GXYLT1: variants seen among roughly 807,000 people sequenced by gnomAD.
GXYLT1 encodes glucoside xylosyltransferase 1, also known as glycosyltransferase 8 domain containing 3.
A neutral mutation model predicts 54.0 loss-of-function variants in GXYLT1; 29 were observed. The ratio of observed to expected loss-of-function variants is 0.54; its 90% CI spans 0.40 to 0.73. The LOEUF (loss-of-function observed/expected upper bound fraction) is 0.73, where lower values mean the gene tolerates loss of function less well. Among genes scored for constraint, GXYLT1 ranks in the 30% least tolerant of loss-of-function variants. GXYLT1 has a pLI of 0.00. For synonymous variants in GXYLT1, 176 were observed against 204.1 expected (o/e 0.86, Z 1.17); for missense variants, 490 against 553.4 (o/e 0.89, Z 1.15).
At position 42,144,634 on chromosome 12, in the gene GXYLT1, G is replaced by C. The variant is rs1228740909; in HGVS notation, c.13C>G (p.Leu5Val). Residue 5 changes from leucine to valine, a missense_variant, in exon 1 of 8, where the codon CTG (leucine) becomes GTG (valine). Transcript: ENST00000398675. MRRYLRVVVLCVACG... is the reference protein window; with the variant it reads MRRYVRVVVLCVACG... ...GCCACACACAGCACCACGACGCGCA[G>C]GTAGCGCCGCATCGCCCCGGCCGCG... 4.8e-6 allele frequency: 7 copies of C among 1,464,414 alleles called. No individual in the cohort carries two copies. The highest frequency in any genetic ancestry group is 4.5e-5 in the Admixed American group (2 of 44,896). The allele number at this position is 1,464,414 out of a possible 1,614,324, so 90.7% of individuals were successfully genotyped here. A position where few individuals can be genotyped will look rare whatever the true frequency, so the allele number is the denominator to read the frequency against.
Position 42,119,853 on chromosome 12 carries a change from C to T in GXYLT1, c.315-682G>A, listed in dbSNP as rs563445582. On this transcript the variant is annotated intron_variant, in intron 2 of 7. Coordinates refer to ENST00000398675, the MANE Select transcript of GXYLT1 (RefSeq NM_173601.2). ...TAAGAAAAGGGCAAACATCAAATTA[C>T]AAAACATTTTAAAAATGTTGAATCA... 2.0e-5 allele frequency among the ~76,000 whole-genome samples: 3 copies of T among 152,280 alleles called. No homozygotes were observed. In the South Asian group the frequency reaches 6.2e-4, roughly 32 times the overall value.
At chr12:42,100,194 C>T (rs771131439) in intron 5 of GXYLT1, among the ~76,000 whole-genome samples, 1 of 152,024 alleles carries the variant, frequency 6.6e-6, no homozygotes, top group Non-Finnish European at 1.5e-5. Flanking sequence ...CTATGTGACT[C>T]GGGGACTATC....
At chr12:42,135,383 A>G (rs1434140263) in intron 1 of GXYLT1, among the ~76,000 whole-genome samples, 2 of 152,254 alleles carry the variant, frequency 1.3e-5, no homozygotes, top group East Asian at 3.8e-4. Context: ...ATACAAGCAT[A>G]ATTCCCTTTT....
chr12:42,129,640 GAAAAT>G, intron 2 of GXYLT1, 114 bp downstream of exon 2: 1 of 594,916 alleles, frequency 1.7e-6, no homozygotes, highest in Non-Finnish European at 2.8e-6. Flanking sequence ...AACCCAATAA[GAAAAT>G]AAATTATTTG....
intron 7 of GXYLT1, among the ~76,000 whole-genome samples, chr12:42,095,654 T>C (rs1267935923): frequency 6.6e-6 from 1 of 152,168 alleles, no homozygotes; most frequent in African/African-American, 2.4e-5. Context: ...CGGGCTAAGA[T>C]AACAGGTTAC....
At chr12:42,100,741 T>TATAAC (rs2065385126) in intron 5 of GXYLT1, among the ~76,000 whole-genome samples, 1 of 152,034 alleles carries the variant, frequency 6.6e-6, no homozygotes, top group African/African-American at 2.4e-5. Flanking sequence ...AGTCATTGAG[T>TATAAC]ATGTTAAGGA....
At position 42,144,712 on chromosome 12, in the gene GXYLT1, A is replaced by G; in HGVS notation, c.-66T>C. The stretch of plus-strand genomic sequence containing the variant: ...CGCCCCGACGAACTGGAGCGGAGGG[A>G]GGGGCACCGCGCAGCCGCGGGCGCA... On this transcript the variant is annotated 5_prime_UTR_variant, in exon 1 of 8. Coordinates refer to ENST00000398675, the MANE Select transcript of GXYLT1 (RefSeq NM_173601.2). 8.1e-7 allele frequency: 1 copy of G among 1,230,236 alleles called. No homozygotes were observed. Among genetic ancestry groups the G allele is most frequent in the South Asian group, 1.9e-5 (1 of 52,366 alleles). 76.2% of individuals were successfully genotyped at this position (1,230,236 alleles called of 1,614,324 possible). A position where few individuals can be genotyped will look rare whatever the true frequency, so the allele number is the denominator to read the frequency against.
chr12:42,110,641 C>T (rs1360084546), intron 3 of GXYLT1, among the ~76,000 whole-genome samples: 1 of 152,150 alleles, frequency 6.6e-6, no homozygotes, highest in African/African-American at 2.4e-5. Flanking sequence ...CCTTGACTTC[C>T]CAGGCTTGGG....
intron 1 of GXYLT1, among the ~76,000 whole-genome samples, chr12:42,136,860 A>G (rs1345875730): frequency 1.3e-5 from 2 of 151,960 alleles, no homozygotes; most frequent in African/African-American, 4.8e-5. Context: ...TGCAGCCTCA[A>G]CCTCCTGGGC....
chr12:42,117,859 G>A (rs890977064), intron 3 of GXYLT1, among the ~76,000 whole-genome samples: 5 of 152,172 alleles, frequency 3.3e-5, no homozygotes, highest in African/African-American at 1.2e-4. Context: ...ATGGTCATAT[G>A]ACTAAATTCA....
At chr12:42,135,718 T>G (rs1449298993) in intron 1 of GXYLT1, among the ~76,000 whole-genome samples, 2 of 152,188 alleles carry the variant, frequency 1.3e-5, no homozygotes, top group African/African-American at 4.8e-5. Context: ...GGCCACATAC[T>G]GTGTGATTCC....
At chr12:42,113,680 G>A (rs1420420679) in intron 3 of GXYLT1, among the ~76,000 whole-genome samples, 8 of 150,566 alleles carry the variant, frequency 5.3e-5, no homozygotes, top group Non-Finnish European at 1.0e-4. Flanking sequence ...CACAATAATG[G>A]GAGACTTTAA....
intron 7 of GXYLT1, among the ~76,000 whole-genome samples, chr12:42,088,881 ATG>A (rs1387363104): frequency 1.3e-5 from 2 of 151,708 alleles, no homozygotes; most frequent in Non-Finnish European, 2.9e-5. Flanking sequence ...GGGAGAGGAA[ATG>A]AAAGAACCAC....
At chr12:42,095,763 T>C (rs889765936) in intron 7 of GXYLT1, among the ~76,000 whole-genome samples, 7 of 152,124 alleles carry the variant, frequency 4.6e-5, no homozygotes, top group African/African-American at 1.7e-4. Context: ...GGAAAAAAGC[T>C]AAAACTGAAA....
At chr12:42,130,043 A>G (rs891420402) in intron 1 of GXYLT1, among the ~76,000 whole-genome samples, 192 bp from the exon 2 acceptor site, 3 of 152,238 alleles carry the variant, frequency 2.0e-5, no homozygotes, top group Non-Finnish European at 4.4e-5. Flanking sequence ...TTTAAATAGA[A>G]CTTTAAAACC....
chr12:42,098,648 T>A (rs1191113168), intron 5 of GXYLT1, among the ~76,000 whole-genome samples: 1 of 151,180 alleles, frequency 6.6e-6, no homozygotes, highest in African/African-American at 2.4e-5. Context: ...TGTCTACTTG[T>A]AGTAAAAAAT....
chr12:42,103,320 G>A (rs1251830721), intron 5 of GXYLT1, among the ~76,000 whole-genome samples: 4 of 152,178 alleles, frequency 2.6e-5, no homozygotes, highest in Admixed American at 1.3e-4. Context: ...ACAGCCACAA[G>A]TAGTAAGAAC....
chr12:42,132,517 T>C (rs1327550686), intron 1 of GXYLT1, among the ~76,000 whole-genome samples: 2 of 152,258 alleles, frequency 1.3e-5, no homozygotes, highest in Non-Finnish European at 1.5e-5. Flanking sequence ...CCCACCACTA[T>C]TAACATTTTC....
At position 42,117,116 on chromosome 12, in the gene GXYLT1, C is replaced by T. The variant is rs574213778; in HGVS notation, c.486+1884G>A. On this transcript the variant is annotated intron_variant, in intron 3 of 7. Coordinates refer to ENST00000398675, the MANE Select transcript of GXYLT1 (RefSeq NM_173601.2). Reference sequence around the variant, plus strand: ...ACACAGGAAGGGGAACATCACACATCGGGGACTGTTGTGGGGTTGGGGGAG... The same window carrying T: ...ACACAGGAAGGGGAACATCACACATTGGGGACTGTTGTGGGGTTGGGGGAG... 7.6e-5 allele frequency among the ~76,000 whole-genome samples: 6 copies of T among 79,226 alleles called. No homozygotes were observed. In the East Asian group the frequency reaches 1.7e-3, roughly 22 times the overall value. 52.0% of individuals were successfully genotyped at this position (79,226 alleles called of 152,430 possible).
Sources: allele counts gnomAD v4.1 joint callset (sites outside exome capture counted in the v4.1 genomes callset), GRCh38; gene constraint gnomAD v4.1.1; transcripts MANE v1.5; gene names NCBI Gene and HGNC (gene_info 2026-07-23, HGNC 2026-07-21).